Variants in MRC2 observed in about 807,000 individuals in gnomAD.
MRC2 encodes C-type mannose receptor 2.
A neutral mutation model predicts 206.2 loss-of-function variants in MRC2; 84 were observed. That is an observed-to-expected ratio of 0.41 (90% CI 0.34 to 0.49). The LOEUF (loss-of-function observed/expected upper bound fraction) is 0.49, where lower values mean the gene tolerates loss of function less well. MRC2 is among the 20% of genes least tolerant of loss of function. MRC2 has a pLI of 0.31. For synonymous variants in MRC2, 798 were observed against 800.0 expected (o/e 1.00, Z 0.04); for missense variants, 1,676 against 2,001.5 (o/e 0.84, Z 3.10).
In MRC2 at chr17:62,681,287, C is replaced by A. The variant is rs185383566; in HGVS notation, c.2702+158C>A. On this transcript the variant is annotated intron_variant, in intron 18 of 29. Coordinates refer to ENST00000303375, the MANE Select transcript of MRC2 (RefSeq NM_006039.5). ...CCTTTCTGGGCCTTGGTTTTCTCAT[C>A]TGAAAATGGGAATATGAGGCCTGCC... The A allele has an allele frequency of 1.5e-4, 126 of 828,296 alleles. No individual in the cohort carries two copies. The East Asian group carries it at 3.2e-3, about 21-fold the overall frequency. The allele number at this position is 828,296 out of a possible 1,614,324, so 51.3% of individuals were successfully genotyped here. A position where few individuals can be genotyped will look rare whatever the true frequency, so the allele number is the denominator to read the frequency against.
intron 23 of MRC2, 200 bp from the exon 24 acceptor site, chr17:62,689,322 T>A (rs2147493660): frequency 1.7e-6 from 1 of 582,582 alleles, no homozygotes; most frequent in South Asian, 2.3e-5. Flanking sequence ...GTCAAGGCCC[T>A]CACCTCCCTG....
At position 62,672,875 on chromosome 17, in the gene MRC2, C is replaced by G. The variant is rs1380891880; in HGVS notation, c.1461+723C>G. Among the ~76,000 whole-genome samples the G allele has an allele frequency of 1.3e-5, 2 of 151,992 alleles. No individual in the cohort carries two copies. Among genetic ancestry groups the G allele is most frequent in the African/African-American group, 4.8e-5 (2 of 41,354 alleles). ...GGCGTGGTGGCAGATGCCTGTAATC[C>G]CAGCTACTCCAGAGGCTGAGGCAAG... On this transcript the variant is annotated intron_variant, in intron 8 of 29. Transcript: ENST00000303375. The surrounding 1 kb of genome is among the most constrained non-coding windows in gnomAD (Gnocchi z 4.5).
rs2088880006 is a variant in MRC2 at position 62,675,506 on chromosome 17, G to A, written c.1570-284G>A. ...AATGCCCAAGAGAGGAGCCTGAAGG[G>A]CCATTCATCTTCCCGAGCCGGGTCA... On this transcript the variant is annotated intron_variant, in intron 9 of 29. Coordinates refer to ENST00000303375, the MANE Select transcript of MRC2 (RefSeq NM_006039.5). The surrounding 1 kb of genome is among the most constrained non-coding windows in gnomAD (Gnocchi z 4.1). 6.6e-6 allele frequency among the ~76,000 whole-genome samples: 1 copy of A among 152,210 alleles called. No homozygotes were observed. Among genetic ancestry groups the A allele is most frequent in the African/African-American group, 2.4e-5 (1 of 41,444 alleles).
intron 1 of MRC2, among the ~76,000 whole-genome samples, chr17:62,651,298 G>A (rs1369657159): frequency 1.3e-5 from 2 of 152,086 alleles, no homozygotes; most frequent in Non-Finnish European, 2.9e-5. Flanking sequence ...TGGCCAGAAT[G>A]GTCTCTATCT....
At position 62,638,827 on chromosome 17, in the gene MRC2, T is replaced by C. The variant is rs148224500; in HGVS notation, c.118+10907T>C. 2.1e-3 allele frequency among the ~76,000 whole-genome samples: 322 copies of C among 150,428 alleles called. 1 individual carries two copies. Among genetic ancestry groups the C allele is most frequent in the African/African-American group, 7.4e-3 (303 of 40,756 alleles). On this transcript the variant is annotated intron_variant, in intron 1 of 29. Coordinates refer to ENST00000303375, the MANE Select transcript of MRC2 (RefSeq NM_006039.5). Reference sequence around the variant, plus strand: ...CAGCTACTTGGGAGATTGAGGCTGCTCTTGAACTCCTAACCCTGGAGGCCG... The same window carrying C: ...CAGCTACTTGGGAGATTGAGGCTGCCCTTGAACTCCTAACCCTGGAGGCCG...
rs777428372 is a variant in MRC2 at position 62,688,593 on chromosome 17, C to A, written c.3154C>A (p.Pro1052Thr). 9.3e-6 allele frequency: 15 copies of A among 1,614,098 alleles called. No homozygotes were observed. The South Asian group carries it at 1.6e-4, about 18-fold the overall frequency. ...QRDFQWVEQE[P>T]LMYANWAPGE... is the part of the protein sequence containing the mutation. ...GGACTTCCAGTGGGTGGAGCAGGAG[C>A]CTTTGATGTATGCCAACTGGGCACC... The change falls in exon 22 of 30, where the codon CCT becomes ACT. Residue 1052 changes from proline (P) to threonine (T), a missense_variant. Physicochemically the swap from Pro to Thr is conservative, Grantham distance 38 (BLOSUM62 -1). Coordinates refer to ENST00000303375, the MANE Select transcript of MRC2 (RefSeq NM_006039.5).
chr17:62,630,543 C>G (rs978782618), intron 1 of MRC2, among the ~76,000 whole-genome samples: 1 of 151,986 alleles, frequency 6.6e-6, no homozygotes, highest in East Asian at 1.9e-4. Flanking sequence ...CTGGCTGGGC[C>G]GGGGAGAAGG....
Position 62,667,209 on chromosome 17 carries a change from C to T in MRC2, c.974-181C>T, listed in dbSNP as rs2088768681. Among the ~76,000 whole-genome samples the T allele has an allele frequency of 6.6e-6, 1 of 152,186 alleles. No homozygotes were observed. Among genetic ancestry groups the T allele is most frequent in the Non-Finnish European group, 1.5e-5 (1 of 68,032 alleles). The stretch of plus-strand genomic sequence containing the variant: ...TAGAAGGTTCAAGGCGACGTGCACC[C>T]AGGTTAGAAAGCGCGGAGGACCCCG... On this transcript the variant is annotated intron_variant, in intron 5 of 29. Coordinates refer to ENST00000303375, the MANE Select transcript of MRC2 (RefSeq NM_006039.5). This position sits in a 1 kb window ranked among gnomAD's most constrained non-coding sequence, Gnocchi z 4.1.
At chr17:62,637,111 C>T (rs1012965190) in intron 1 of MRC2, among the ~76,000 whole-genome samples, 3 of 152,288 alleles carry the variant, frequency 2.0e-5, no homozygotes, top group Non-Finnish European at 2.9e-5. Context: ...GCCTGTAATC[C>T]CAGCACTTTG....
rs749632320 is a variant in MRC2, at chr17:62,680,428, G to A, written c.2448G>A (p.Val816=). Residue 816 remains valine (V), a synonymous_variant, in exon 16 of 30, where the codon GTG becomes GTA. Transcript: ENST00000303375. This position sits in a 1 kb window ranked among gnomAD's most constrained non-coding sequence, Gnocchi z 4.8. The stretch of plus-strand genomic sequence containing the variant: ...TCCTTGTTCCCCTAGGTACGGACGT[G>A]CGGGAGCCCGACGACAGCCCTCAAG... ...WICKIPRGTD[V]REPDDSPQGR... is the part of the protein sequence containing the mutation. 11 of 1,613,984 alleles carry A rather than the reference G, an allele frequency of 6.8e-6. No homozygotes were observed. The highest frequency in any genetic ancestry group is 9.3e-6 in the Non-Finnish European group (11 of 1,180,004).
chr17:62,633,113 A>G (rs2088266298), intron 1 of MRC2, among the ~76,000 whole-genome samples: 1 of 152,194 alleles, frequency 6.6e-6, no homozygotes, highest in Admixed American at 6.5e-5. Context: ...AAGATTACAT[A>G]CAAATGAGAT....
intron 1 of MRC2, among the ~76,000 whole-genome samples, chr17:62,656,293 C>T (rs939801458): frequency 1.3e-5 from 2 of 152,168 alleles, no homozygotes; most frequent in African/African-American, 4.8e-5. Context: ...GATTCACCCG[C>T]CTCGGCCTCC....
rs77946804 is a variant in MRC2 at position 62,675,856 on chromosome 17, C to T, written c.1636C>T (p.Arg546Trp). 3.2e-5 allele frequency: 52 copies of T among 1,614,126 alleles called. No homozygotes were observed. Among genetic ancestry groups the T allele is most frequent in the East Asian group, 4.5e-5 (2 of 44,884 alleles). Reference sequence around the variant, plus strand: ...AGACCAAGTGACCTACAGTGAGGCCCGGCGCCTGTGCACTGACCATGGCTC... The same window carrying T: ...AGACCAAGTGACCTACAGTGAGGCCTGGCGCCTGTGCACTGACCATGGCTC... ...GEDQVTYSEA[R>W]RLCTDHGSQL... Residue 546 changes from arginine (R) to tryptophan (W), a missense_variant, in exon 10 of 30, where the codon CGG becomes TGG. Coordinates refer to ENST00000303375, the MANE Select transcript of MRC2 (RefSeq NM_006039.5). This position sits in a 1 kb window ranked among gnomAD's most constrained non-coding sequence, Gnocchi z 4.1.
Position 62,675,008 on chromosome 17 carries a change from G to A in MRC2, c.1570-782G>A, listed in dbSNP as rs1303122004. On this transcript the variant is annotated intron_variant, in intron 9 of 29. Transcript: ENST00000303375. The surrounding 1 kb of genome is among the most constrained non-coding windows in gnomAD (Gnocchi z 4.1). ...CACTAACAGGCATGGCCCCATGGGC[G>A]AGGAAGCAGAGGGGAGAGCAGAGCC... 1.3e-5 allele frequency among the ~76,000 whole-genome samples: 2 copies of A among 152,202 alleles called. No individual in the cohort carries two copies. The highest frequency in any genetic ancestry group is 2.1e-4 in the South Asian group (1 of 4,832).
Position 62,680,587 on chromosome 17 carries a change from C to T in MRC2, c.2473+134C>T, listed in dbSNP as rs1598993151. 9 of 1,371,676 alleles carry T rather than the reference C, an allele frequency of 6.6e-6. No individual in the cohort carries two copies. The highest frequency in any genetic ancestry group is 2.0e-4 in the Middle Eastern group (1 of 5,064). The allele number at this position is 1,371,676 out of a possible 1,614,324, so 85.0% of individuals were successfully genotyped here. A position where few individuals can be genotyped will look rare whatever the true frequency, so the allele number is the denominator to read the frequency against. ...CGAGAGAAGGGGGACGGGGTTGGCT[C>T]GGACGGAGGCAGCCACAGCCCTGTT... is the stretch of plus-strand genomic sequence containing the variant. On this transcript the variant is annotated intron_variant, in intron 16 of 29. Transcript: ENST00000303375. The surrounding 1 kb of genome is among the most constrained non-coding windows in gnomAD (Gnocchi z 4.8).
chr17:62,681,069 G>T lies in MRC2; in HGVS notation c.2642G>T (p.Arg881Leu). The part of the protein sequence containing the change: ...FLSHNLQKFS[R>L]AQEQHWWIGL... ...CCCGCCTGGCTTCTCCAGTTCTCCC[G>T]GGCCCAGGAGCAGCACTGGTGGATC... Residue 881 changes from arginine to leucine, a missense_variant, in exon 18 of 30, where the codon CGG (arginine) becomes CTG (leucine). Physicochemically the swap from Arg to Leu is moderately radical, Grantham distance 102. Transcript: ENST00000303375. 1.2e-6 allele frequency: 2 copies of T among 1,613,504 alleles called. No individual in the cohort carries two copies. Among genetic ancestry groups the T allele is most frequent in the Non-Finnish European group, 8.5e-7 (1 of 1,179,980 alleles).
intron 1 of MRC2, among the ~76,000 whole-genome samples, chr17:62,639,559 C>T (rs2088372705): frequency 6.6e-6 from 1 of 152,088 alleles, no homozygotes; most frequent in African/African-American, 2.4e-5. Context: ...GAATTCCTAT[C>T]CTTTGATGTC....
In MRC2 at chr17:62,671,816, A is replaced by C; in HGVS notation, c.1285A>C (p.Ile429Leu). The C allele has an allele frequency of 1.9e-6, 3 of 1,602,388 alleles. No homozygotes were observed. In the South Asian group the frequency reaches 3.3e-5, roughly 18 times the overall value. Residue 429 changes from isoleucine to leucine, a missense_variant, in exon 7 of 30, where the codon ATC becomes CTC. Coordinates refer to ENST00000303375, the MANE Select transcript of MRC2 (RefSeq NM_006039.5). This position sits in a 1 kb window ranked among gnomAD's most constrained non-coding sequence, Gnocchi z 4.5. ...SIHSMAELEF[I>L]TKQIKQEVEE... Reference sequence around the variant, plus strand: ...CCACAGCATGGCGGAGCTGGAATTCATCACCAAGCAGATCAAGCAAGGTGA... The same window carrying C: ...CCACAGCATGGCGGAGCTGGAATTCCTCACCAAGCAGATCAAGCAAGGTGA...
intron 26 of MRC2, among the ~76,000 whole-genome samples, 160 bp from the exon 27 acceptor site, chr17:62,690,480 GCC>G (rs139502298): frequency 6.6e-6 from 1 of 152,014 alleles, no homozygotes; most frequent in African/African-American, 2.4e-5. Context: ...TGCATATGCT[GCC>G]CCCCCACACA....
Sources: allele counts gnomAD v4.1 joint callset (sites outside exome capture counted in the v4.1 genomes callset), GRCh38; gene constraint gnomAD v4.1.1; non-coding constraint Gnocchi (gnomAD v3.1); transcripts MANE v1.5; gene names NCBI Gene and HGNC (gene_info 2026-07-23, HGNC 2026-07-21).